ASCC3: variants seen among roughly 807,000 people sequenced by gnomAD.
ASCC3 encodes the protein activating signal cointegrator 1 complex subunit 3, also known as ASC-1 complex subunit P200.
Under a neutral mutation model 256.3 loss-of-function variants are expected in ASCC3, and 158 were observed. That is an observed-to-expected ratio of 0.62 (90% CI 0.54 to 0.70). The LOEUF is 0.70. ASCC3 is among the 30% of genes least tolerant of loss of function. The pLI is 0.00. For synonymous variants in ASCC3, 948 were observed against 883.4 expected, an observed-to-expected ratio of 1.07 and a Z score of -1.30; for missense variants, 2,259 against 2,626.0, an observed-to-expected ratio of 0.86 and a Z score of 3.05.
chr6:100,526,619 C>T (rs1774589780), intron 37 of ASCC3, among the ~76,000 whole-genome samples: 1 of 152,146 alleles, frequency 6.6e-6, no homozygotes, highest in Non-Finnish European at 1.5e-5. Flanking sequence ...AACTCTGTAT[C>T]ACTTCCCTAG....
intron 35 of ASCC3, 71 bp from the exon 36 acceptor site, chr6:100,589,839 A>C (rs1771901685): frequency 6.2e-7 from 1 of 1,603,664 alleles, no homozygotes. Flanking sequence ...TAATTCAGAC[A>C]GGTGCTTTTG....
intron 1 of ASCC3, among the ~76,000 whole-genome samples, chr6:100,878,835 T>C (rs1205349633): frequency 6.6e-6 from 1 of 152,172 alleles, no homozygotes; most frequent in East Asian, 1.9e-4. Context: ...TTTCTCCCCA[T>C]GCACCAAGCA....
At chr6:100,522,475 C>T (rs1562091258) in intron 37 of ASCC3, among the ~76,000 whole-genome samples, 2 of 151,910 alleles carry the variant, frequency 1.3e-5, no homozygotes, top group Non-Finnish European at 2.9e-5. Context: ...ACTATGAAGC[C>T]AAGAAGTTCA....
intron 16 of ASCC3, among the ~76,000 whole-genome samples, chr6:100,659,795 T>C (rs907436710): frequency 1.3e-5 from 2 of 151,646 alleles, no homozygotes; most frequent in African/African-American, 4.8e-5. Flanking sequence ...GATATAGTTT[T>C]CCTTGACATG....
intron 36 of ASCC3, among the ~76,000 whole-genome samples, chr6:100,586,004 C>G (rs991948701): frequency 6.6e-6 from 1 of 152,170 alleles, no homozygotes; most frequent in Non-Finnish European, 1.5e-5. Flanking sequence ...GGGGGTGCCT[C>G]CCAGTTAGGC....
chr6:100,694,146 G>A (rs1180148012), intron 13 of ASCC3, among the ~76,000 whole-genome samples: 2 of 151,340 alleles, frequency 1.3e-5, no homozygotes, highest in Admixed American at 6.6e-5. Flanking sequence ...AATATTTTTG[G>A]GAAAAAAATT....
chr6:100,586,143 C>G (rs969562377), intron 36 of ASCC3, among the ~76,000 whole-genome samples: 3 of 152,174 alleles, frequency 2.0e-5, no homozygotes, highest in East Asian at 3.9e-4. Flanking sequence ...AGTCTGCAGA[C>G]GTTACTGCTA....
intron 8 of ASCC3, among the ~76,000 whole-genome samples, chr6:100,794,126 G>A (rs1254157426): frequency 6.6e-6 from 1 of 151,944 alleles, no homozygotes; most frequent in Non-Finnish European, 1.5e-5. Context: ...TTGAATTATT[G>A]CAGCAGCTCT....
intron 30 of ASCC3, among the ~76,000 whole-genome samples, chr6:100,611,531 A>G (rs1773395695): frequency 6.6e-6 from 1 of 152,052 alleles, no homozygotes; most frequent in South Asian, 2.1e-4. Context: ...CACTTATAAT[A>G]TGCCAGGCAT....
intron 30 of ASCC3, among the ~76,000 whole-genome samples, chr6:100,608,097 C>CATATATATGTATATATAGATATATAT (rs1391815541): frequency 4.4e-5 from 2 of 45,024 alleles, no homozygotes; most frequent in African/African-American, 8.6e-5. Flanking sequence ...TATCTATATA[C>CATATATATGTATATATAGATATATAT]ACATATATAT....
chr6:100,786,575 T>C (rs1278702659), intron 8 of ASCC3, among the ~76,000 whole-genome samples: 1 of 152,184 alleles, frequency 6.6e-6, no homozygotes, highest in Non-Finnish European at 1.5e-5. Flanking sequence ...AAAAGTAATT[T>C]AAAGGTTCAA....
intron 13 of ASCC3, among the ~76,000 whole-genome samples, chr6:100,696,805 G>A (rs988566848): frequency 1.3e-5 from 2 of 151,882 alleles, no homozygotes; most frequent in Admixed American, 6.6e-5. Context: ...TAAAATTAAC[G>A]AAAGTATGAT....
chr6:100,658,674 T>C (rs925644464), intron 16 of ASCC3, among the ~76,000 whole-genome samples: 12 of 151,428 alleles, frequency 7.9e-5, no homozygotes, highest in African/African-American at 2.7e-4. Context: ...TATTTACAAG[T>C]GAATAGAATA....
At chr6:100,627,341 T>G (rs559966768) in intron 29 of ASCC3, among the ~76,000 whole-genome samples, 10 of 152,166 alleles carry the variant, frequency 6.6e-5, no homozygotes, top group Non-Finnish European at 1.5e-4. Flanking sequence ...TTAAGAAAAC[T>G]CTGATAACTT....
intron 4 of ASCC3, among the ~76,000 whole-genome samples, chr6:100,811,822 C>T (rs1426308725): frequency 6.6e-6 from 1 of 152,096 alleles, no homozygotes; most frequent in Non-Finnish European, 1.5e-5. Context: ...AAAGAGACAA[C>T]AGAGAGGAGC....
chr6:100,582,559 C>G (rs1469482198), intron 36 of ASCC3, among the ~76,000 whole-genome samples: 1 of 152,046 alleles, frequency 6.6e-6, no homozygotes, highest in Non-Finnish European at 1.5e-5. Flanking sequence ...TCCTCTTTTC[C>G]TAACTGAATA....
In ASCC3 at chr6:100,647,210, T is replaced by C; in HGVS notation, c.3478+16A>G. On this transcript the variant is annotated intron_variant, in intron 21 of 41. Transcript: ENST00000369162. ...GCACAAAACAATACATTCAAACATA[T>C]TTGCTTCCTTCTTACCTATTTCATC... 8 of 1,575,734 alleles carry C rather than the reference T, an allele frequency of 5.1e-6. No individual in the cohort carries two copies. The highest frequency in any genetic ancestry group is 7.0e-6 in the Non-Finnish European group (8 of 1,145,372).
intron 10 of ASCC3, among the ~76,000 whole-genome samples, chr6:100,760,048 T>C (rs1582821507): frequency 6.6e-6 from 1 of 152,276 alleles, no homozygotes; most frequent in East Asian, 1.9e-4. Context: ...TTAAGGAGTT[T>C]TGGGGCTGAG....
intron 26 of ASCC3, among the ~76,000 whole-genome samples, chr6:100,629,804 A>T (rs1051532844): frequency 7.9e-5 from 12 of 151,940 alleles, no homozygotes; most frequent in African/African-American, 2.9e-4. Flanking sequence ...AGAAAAACCT[A>T]TGTAGATCTA....
Sources: gnomAD v4.1 joint callset for allele counts (sites outside exome capture counted in the v4.1 genomes callset) on GRCh38, gnomAD v4.1.1 for gene constraint, MANE v1.5 for transcripts, NCBI Gene and HGNC (gene_info 2026-07-23, HGNC 2026-07-21) for gene names.